The following DLGAP2 variants were observed in gnomAD, a reference collection of about 807,000 sequenced individuals.
The protein encoded by DLGAP2 is disks large-associated protein 2.
A neutral mutation model predicts 100.3 loss-of-function variants in DLGAP2; 26 were observed. That is an observed-to-expected ratio of 0.26 (90% confidence interval 0.19 to 0.36). DLGAP2 has a LOEUF of 0.36. Among genes scored for constraint, DLGAP2 ranks in the 10% least tolerant of loss-of-function variants. DLGAP2 has a pLI of 1.00. For missense variants in DLGAP2, 1,858 were observed against 1,453.2 expected, an observed-to-expected ratio of 1.28 and a Z score of -4.53; for synonymous variants, 886 against 630.1, an observed-to-expected ratio of 1.41 and a Z score of -6.08.
At chr8:1,326,870 G>T (rs1801034501) in intron 3 of DLGAP2, among the ~76,000 whole-genome samples, 1 of 152,142 alleles carries the variant, frequency 6.6e-6, no homozygotes, top group Non-Finnish European at 1.5e-5. Flanking sequence ...TGTTGTTGTG[G>T]AAACATGTAA....
At chr8:1,673,932 G>A (rs1364812688) in intron 10 of DLGAP2, among the ~76,000 whole-genome samples, 1 of 152,156 alleles carries the variant, frequency 6.6e-6, no homozygotes, top group Non-Finnish European at 1.5e-5. Flanking sequence ...ACACAAACAT[G>A]CCTGTGACTG....
intron 1 of DLGAP2, among the ~76,000 whole-genome samples, chr8:875,389 C>G (rs115471608): frequency 1.7e-4 from 26 of 152,142 alleles, no homozygotes; most frequent in Admixed American, 1.5e-3. Context: ...GAGAGGGACC[C>G]GGTGAGAGGT....
At chr8:1,415,236 A>C (rs747661157) in intron 3 of DLGAP2, among the ~76,000 whole-genome samples, 1 of 152,220 alleles carries the variant, frequency 6.6e-6, no homozygotes, top group Non-Finnish European at 1.5e-5. Flanking sequence ...AACTGGTTTT[A>C]GGATACAAAA....
intron 5 of DLGAP2, among the ~76,000 whole-genome samples, chr8:1,553,079 G>A (rs926846179): frequency 1.6e-4 from 24 of 152,116 alleles, no homozygotes; most frequent in Non-Finnish European, 2.9e-4. Flanking sequence ...AGGGAGAGAC[G>A]CCGCCTCCCC....
intron 2 of DLGAP2, chr8:1,032,902 A>G (rs1023742194): frequency 3.9e-5 from 6 of 152,260 alleles, no homozygotes; most frequent in African/African-American, 1.2e-4. Context: ...GACTATGTGT[A>G]TGACAATTAA....
At chr8:774,370 A>G (rs1346331252) in intron 1 of DLGAP2, among the ~76,000 whole-genome samples, 2 of 152,094 alleles carry the variant, frequency 1.3e-5, no homozygotes, top group Admixed American at 6.5e-5. Flanking sequence ...CCATTTGTCA[A>G]TTTTGGCTTT....
chr8:925,494 C>G (rs1321276393), intron 2 of DLGAP2, among the ~76,000 whole-genome samples: 1 of 152,110 alleles, frequency 6.6e-6, no homozygotes, highest in Non-Finnish European at 1.5e-5. Flanking sequence ...GTCCAGGAAT[C>G]CATGACTTGG....
intron 1 of DLGAP2, among the ~76,000 whole-genome samples, chr8:844,129 A>G (rs569240004): frequency 6.6e-6 from 1 of 152,332 alleles, no homozygotes; most frequent in South Asian, 2.1e-4. Context: ...AGTGAAGAGT[A>G]TTCGTCAGCT....
At chr8:1,538,593 C>A (rs886812089) in intron 4 of DLGAP2, among the ~76,000 whole-genome samples, 2 of 152,170 alleles carry the variant, frequency 1.3e-5, no homozygotes, top group African/African-American at 4.8e-5. Context: ...TAGGGAGGGG[C>A]TTATGTCTCC....
At chr8:1,068,450 G>T (rs774121350) in intron 2 of DLGAP2, among the ~76,000 whole-genome samples, 6 of 152,146 alleles carry the variant, frequency 3.9e-5, no homozygotes, top group Non-Finnish European at 8.8e-5. Flanking sequence ...CACGTCCTCA[G>T]CGGCGCTTGA....
intron 1 of DLGAP2, among the ~76,000 whole-genome samples, chr8:761,942 A>G (rs1821096731): frequency 6.6e-6 from 1 of 152,200 alleles, no homozygotes; most frequent in Non-Finnish European, 1.5e-5. Flanking sequence ...ATGCTTCTGA[A>G]GCAGGAGATT....
At chr8:949,964 A>T (rs1201376511) in intron 2 of DLGAP2, among the ~76,000 whole-genome samples, 1 of 152,166 alleles carries the variant, frequency 6.6e-6, no homozygotes. Context: ...AGCAGCTTTT[A>T]GTACATTTTC....
chr8:1,455,344 G>A (rs892467617), intron 3 of DLGAP2, among the ~76,000 whole-genome samples: 1 of 152,240 alleles, frequency 6.6e-6, no homozygotes, highest in Non-Finnish European at 1.5e-5. Context: ...CCCGATGGTG[G>A]GGCCAAGGCC....
At position 1,182,832 on chromosome 8, in the gene DLGAP2, G is replaced by C. The variant is rs377749830; in HGVS notation, c.74-76019G>C. Among the ~76,000 whole-genome samples the C allele has an allele frequency of 1.6e-3, 244 of 152,322 alleles. 2 individuals are homozygous for C. Among genetic ancestry groups the C allele is most frequent in the African/African-American group, 5.7e-3 (238 of 41,578 alleles). Reference sequence around the variant, plus strand: ...TCGGCAACTCTGGGCAGTGGCGCGTGGGGGACGGACTCCGCAGCCTGTGGG... The same window carrying C: ...TCGGCAACTCTGGGCAGTGGCGCGTCGGGGACGGACTCCGCAGCCTGTGGG... On this transcript the variant is annotated intron_variant, in intron 2 of 14. Transcript: ENST00000637795.
chr8:1,133,851 C>T (rs1340308604), intron 2 of DLGAP2, among the ~76,000 whole-genome samples: 3 of 146,170 alleles, frequency 2.1e-5, no homozygotes, highest in African/African-American at 5.0e-5. Context: ...TTGATTAACC[C>T]TTTTTTTTTT....
Position 1,683,846 on chromosome 8 carries a change from ATATATATATATGTG to A in DLGAP2, c.2704+5219_2704+5232del, listed in dbSNP as rs1222460269. On this transcript the variant is annotated intron_variant, in intron 12 of 14. Coordinates refer to ENST00000637795, the MANE Select transcript of DLGAP2 (RefSeq NM_001346810.2). The stretch of plus-strand genomic sequence containing the variant: ...TGTCTTTGCTCCACTATATATATAT[ATATATATATATGTG>A]TGTGTGTGTGTGTGTGTGTGTGTGT... Among the ~76,000 whole-genome samples, 7 of 68,914 alleles carry A rather than the reference ATATATATATATGTG, an allele frequency of 1.0e-4. No individual in the cohort carries two copies. In the East Asian group the frequency reaches 2.5e-3, roughly 25 times the overall value. The allele number at this position is 68,914 out of a possible 152,430, so 45.2% of individuals were successfully genotyped here. A position where few individuals can be genotyped will look rare whatever the true frequency, so the allele number is the denominator to read the frequency against.
chr8:1,200,919 G>A (rs1397616154), intron 2 of DLGAP2, among the ~76,000 whole-genome samples: 4 of 152,210 alleles, frequency 2.6e-5, no homozygotes, highest in Admixed American at 2.0e-4. Context: ...GCCTCCGGGC[G>A]GTGCGCGATT....
chr8:989,282 C>T (rs779523134), intron 2 of DLGAP2, among the ~76,000 whole-genome samples: 1 of 152,176 alleles, frequency 6.6e-6, no homozygotes, highest in African/African-American at 2.4e-5. Flanking sequence ...TTCACTCACC[C>T]ACATCCTAAC....
intron 3 of DLGAP2, among the ~76,000 whole-genome samples, chr8:1,429,474 C>T (rs1045277506): frequency 6.6e-6 from 1 of 152,052 alleles, no homozygotes; most frequent in African/African-American, 2.4e-5. Context: ...GTACAGGAGA[C>T]ATAAGAGATA....
Sources: allele counts gnomAD v4.1 joint callset (sites outside exome capture counted in the v4.1 genomes callset), GRCh38; gene constraint gnomAD v4.1.1; transcripts MANE v1.5; gene names NCBI Gene and HGNC (gene_info 2026-07-23, HGNC 2026-07-21).